SKAP1: variants seen among roughly 807,000 people sequenced by gnomAD.
The protein encoded by SKAP1 is src kinase associated phosphoprotein 1, also known as src kinase-associated phosphoprotein 1.
In SKAP1, 44 loss-of-function variants were observed where a neutral mutation model predicts 58.5. The ratio of observed to expected loss-of-function variants is 0.75; its 90% CI spans 0.59 to 0.97. The LOEUF (loss-of-function observed/expected upper bound fraction) is 0.97, where lower values mean the gene tolerates loss of function less well. Ranked by LOEUF, SKAP1 falls within the 50% of genes least tolerant of loss-of-function variation. SKAP1 has a pLI of 0.00. For missense variants in SKAP1, 390 were observed against 435.2 expected (o/e 0.90, Z 0.92); for synonymous variants, 127 against 149.7 (o/e 0.85, Z 1.11).
intron 2 of SKAP1, among the ~76,000 whole-genome samples, chr17:48,371,320 T>C (rs2067082392): frequency 6.6e-6 from 1 of 152,070 alleles, no homozygotes; most frequent in Non-Finnish European, 1.5e-5. Flanking sequence ...ACAGAAAACA[T>C]TGTCAGGCTT....
intron 4 of SKAP1, among the ~76,000 whole-genome samples, chr17:48,208,691 A>G (rs149103742): frequency 1.1e-4 from 16 of 152,368 alleles, no homozygotes; most frequent in African/African-American, 3.6e-4. Context: ...CCTAGTGAAC[A>G]GTTTACACCA....
intron 2 of SKAP1, among the ~76,000 whole-genome samples, chr17:48,374,193 C>A (rs925159687): frequency 7.0e-6 from 1 of 142,554 alleles, no homozygotes; most frequent in Non-Finnish European, 1.5e-5. Flanking sequence ...CTCCACCATG[C>A]CTGGCTAATT....
chr17:48,306,755 T>C (rs2066147449), intron 4 of SKAP1, among the ~76,000 whole-genome samples: 1 of 152,198 alleles, frequency 6.6e-6, no homozygotes, highest in Non-Finnish European at 1.5e-5. Flanking sequence ...ACCATCAAGA[T>C]TGTGAAAGTG....
intron 1 of SKAP1, among the ~76,000 whole-genome samples, chr17:48,400,614 G>C (rs1276104284): frequency 1.3e-5 from 2 of 151,906 alleles, no homozygotes; most frequent in African/African-American, 4.8e-5. Context: ...GCCAGGCATG[G>C]TGGTGCACAT....
intron 1 of SKAP1, among the ~76,000 whole-genome samples, chr17:48,419,792 T>C (rs2067773834): frequency 6.6e-6 from 1 of 152,160 alleles, no homozygotes; most frequent in South Asian, 2.1e-4. Context: ...CGTCTATTAT[T>C]TGAATAAAAA....
chr17:48,385,533 C>T (rs1449368075), intron 2 of SKAP1, among the ~76,000 whole-genome samples: 2 of 152,010 alleles, frequency 1.3e-5, no homozygotes, highest in African/African-American at 4.8e-5. Context: ...CTTCAGTCCT[C>T]AAATACTGTG....
chr17:48,141,202 A>G (rs1347691403), intron 11 of SKAP1, among the ~76,000 whole-genome samples: 1 of 152,090 alleles, frequency 6.6e-6, no homozygotes, highest in African/African-American at 2.4e-5. Context: ...TCATGTAGCT[A>G]TCGTCTCACG....
At chr17:48,404,265 C>T (rs2067541137) in intron 1 of SKAP1, among the ~76,000 whole-genome samples, 1 of 151,944 alleles carries the variant, frequency 6.6e-6, no homozygotes, top group Non-Finnish European at 1.5e-5. Flanking sequence ...CCAGCCTGAC[C>T]AACATGGAGA....
intron 4 of SKAP1, among the ~76,000 whole-genome samples, chr17:48,290,207 C>G (rs189937463): frequency 6.7e-4 from 102 of 152,086 alleles, no homozygotes; most frequent in Middle Eastern, 6.8e-3. Context: ...TGATTAGAAA[C>G]TAAACATGGG....
intron 2 of SKAP1, 82 bp downstream of exon 2, chr17:48,396,598 T>A: frequency 1.1e-6 from 1 of 879,100 alleles, no homozygotes; most frequent in South Asian, 1.5e-5. Context: ...GATAGGTATG[T>A]CTTACCTTGT....
chr17:48,263,989 G>A (rs2065513356), intron 4 of SKAP1, among the ~76,000 whole-genome samples: 1 of 151,736 alleles, frequency 6.6e-6, no homozygotes, highest in Non-Finnish European at 1.5e-5. Flanking sequence ...TAAACCAGCC[G>A]CAACCCTTCT....
At chr17:48,143,189 CTTTTTT>C (rs1329483693) in intron 11 of SKAP1, among the ~76,000 whole-genome samples, 1 of 106,328 alleles carries the variant, frequency 9.4e-6, no homozygotes, top group Non-Finnish European at 1.9e-5. Flanking sequence ...AATTCTTTAG[CTTTTTT>C]TTTTTTTTTT....
At chr17:48,421,270 G>C (rs979406458) in intron 1 of SKAP1, among the ~76,000 whole-genome samples, 1 of 144,296 alleles carries the variant, frequency 6.9e-6, no homozygotes, top group Non-Finnish European at 1.5e-5. Context: ...CAAAATACTA[G>C]TTTTACACAC....
chr17:48,259,205 A>G (rs1276996756), intron 4 of SKAP1, among the ~76,000 whole-genome samples: 1 of 152,090 alleles, frequency 6.6e-6, no homozygotes, highest in East Asian at 1.9e-4. Context: ...CAAATCTTTA[A>G]GCTTTCAAGC....
At chr17:48,275,741 G>T (rs529596679) in intron 4 of SKAP1, among the ~76,000 whole-genome samples, 3 of 152,162 alleles carry the variant, frequency 2.0e-5, no homozygotes, top group African/African-American at 7.2e-5. Flanking sequence ...CCCAACTATT[G>T]TTGTTGTTGC....
chr17:48,319,786 G>A (rs1296893490), intron 4 of SKAP1, among the ~76,000 whole-genome samples: 4 of 152,162 alleles, frequency 2.6e-5, no homozygotes, highest in Non-Finnish European at 5.9e-5. Context: ...AGGCTGCAGT[G>A]AGCAGTGATC....
chr17:48,409,199 T>C (rs2067630001), intron 1 of SKAP1, among the ~76,000 whole-genome samples: 1 of 152,216 alleles, frequency 6.6e-6, no homozygotes, highest in Non-Finnish European at 1.5e-5. Flanking sequence ...TACTCTTAAG[T>C]ATTTATCCAA....
intron 2 of SKAP1, among the ~76,000 whole-genome samples, chr17:48,389,159 C>A (rs1410702227): frequency 6.6e-6 from 1 of 152,232 alleles, no homozygotes; most frequent in Admixed American, 6.5e-5. Context: ...TTTGTAACAA[C>A]AACAAGGCAC....
At chr17:48,365,678 T>C (rs1221133963) in intron 2 of SKAP1, among the ~76,000 whole-genome samples, 1 of 152,150 alleles carries the variant, frequency 6.6e-6, no homozygotes, top group Non-Finnish European at 1.5e-5. Context: ...CCATTGCATA[T>C]TAACTCTTGC....
Sources: gnomAD v4.1 joint callset for allele counts (sites outside exome capture counted in the v4.1 genomes callset) on GRCh38, gnomAD v4.1.1 for gene constraint, MANE v1.5 for transcripts, NCBI Gene and HGNC (gene_info 2026-07-23, HGNC 2026-07-21) for gene names.